Variants in ATG101 observed in about 807,000 individuals in gnomAD.
ATG101 encodes the protein autophagy-related protein 101.
Under a neutral mutation model 16.7 loss-of-function variants are expected in ATG101, and 6 were observed. That is an observed-to-expected ratio of 0.36 (90% CI 0.20 to 0.71). The LOEUF is 0.71. ATG101 is among the 30% of genes least tolerant of loss of function. The probability of loss-of-function intolerance (pLI) is 0.57; values close to 1 mark genes in which losing one functional copy is unlikely to be tolerated. For synonymous variants in ATG101, 108 were observed against 118.1 expected (o/e 0.91, Z 0.56); for missense variants, 200 against 292.5 (o/e 0.68, Z 2.31).
In ATG101 at chr12:52,070,002, C is replaced by T. The variant is rs1282566375; in HGVS notation, c.-447C>T. ...TCCGGTCCCGGCTCAGCCTCCGACC[C>T]AGGTGGTCTGGAGCCTGCCGGGAGA... On this transcript the variant is annotated 5_prime_UTR_variant, in exon 1 of 4. Coordinates refer to ENST00000336854, the MANE Select transcript of ATG101 (RefSeq NM_021934.5). 1 of 152,452 alleles carries T rather than the reference C, an allele frequency of 6.6e-6. No homozygotes were observed. Among genetic ancestry groups the T allele is most frequent in the Non-Finnish European group, 1.5e-5 (1 of 68,266 alleles). 9.4% of individuals were successfully genotyped at this position (152,452 alleles called of 1,614,324 possible). A position where few individuals can be genotyped will look rare whatever the true frequency, so the allele number is the denominator to read the frequency against.
Position 52,073,846 on chromosome 12 carries a change from CGT to C in ATG101, c.199_200del (p.Val67LeufsTer3). 1 of 1,614,172 alleles carries C rather than the reference CGT, an allele frequency of 6.2e-7. No homozygotes were observed. The highest frequency in any genetic ancestry group is 8.5e-7 in the Non-Finnish European group (1 of 1,180,026). On this transcript the variant is annotated frameshift_variant, in exon 3 of 4. Transcript: ENST00000336854. LOFTEE classifies it high-confidence loss of function. ...TGACTTCATCGACTTCACTTATGTG[CGT>C]GTCTCTTCTGAGGAACTGGATCGTG... is the stretch of plus-strand genomic sequence containing the variant. ...DCDFIDFTYV[R>X]VSSEELDRAL...
intron 2 of ATG101, among the ~76,000 whole-genome samples, chr12:52,071,612 T>C (rs1939651761): frequency 6.6e-6 from 1 of 151,760 alleles, no homozygotes; most frequent in Admixed American, 6.6e-5. Context: ...AGCTCAGGAG[T>C]TCGAGACCAG....
At position 52,076,937 on chromosome 12, in the gene ATG101, A is replaced by C; in HGVS notation, c.404A>C (p.Gln135Pro). 6.2e-7 allele frequency: 1 copy of C among 1,614,218 alleles called. No individual in the cohort carries two copies. The highest frequency in any genetic ancestry group is 2.2e-5 in the East Asian group (1 of 44,886). The stretch of plus-strand genomic sequence containing the variant: ...CATGTGGTAGCCCTGGCCACGGAGC[A>C]GGAGCGGCAGATCTGCCGGGAGAAG... ...KVHVVALATE[Q>P]ERQICREKVG... The change falls in exon 4 of 4, where the codon CAG becomes CCG. Residue 135 changes from glutamine (Q) to proline (P), a missense_variant. Coordinates refer to ENST00000336854, the MANE Select transcript of ATG101 (RefSeq NM_021934.5).
upstream of ATG101, among the ~76,000 whole-genome samples, chr12:52,067,502 G>A (rs1939560727): frequency 6.6e-6 from 1 of 152,186 alleles, no homozygotes; most frequent in Admixed American, 6.5e-5. Flanking sequence ...TCCCATAGTG[G>A]CAAAGAGCTT....
Position 52,077,070 on chromosome 12 carries a change from C to T in ATG101, c.537C>T (p.Asp179=), listed in dbSNP as rs1365208092. 1 of 1,614,100 alleles carries T rather than the reference C, an allele frequency of 6.2e-7. No homozygotes were observed. Among genetic ancestry groups the T allele is most frequent in the Non-Finnish European group, 8.5e-7 (1 of 1,180,048 alleles). The change falls in exon 4 of 4, where the codon GAC becomes GAT. Residue 179 remains aspartate (D), a synonymous_variant. Coordinates refer to ENST00000336854, the MANE Select transcript of ATG101 (RefSeq NM_021934.5). ...PTQSEVDNVF[D]TGLRDVQPYL... is the part of the protein sequence containing the mutation. The stretch of plus-strand genomic sequence containing the variant: ...AGTCGGAGGTGGATAACGTGTTTGA[C>T]ACAGGCTTGCGGGACGTGCAGCCCT...
At chr12:52,068,725 G>A (rs551365670), upstream of ATG101, among the ~76,000 whole-genome samples, 3 of 152,026 alleles carry the variant, frequency 2.0e-5, no homozygotes, top group East Asian at 1.9e-4. Context: ...GGTGGCTCAC[G>A]CCTGTAATCC....
At chr12:52,071,016 G>A (rs1939641750) in intron 2 of ATG101, 1 of 152,198 alleles carries the variant, frequency 6.6e-6, no homozygotes, top group African/African-American at 2.4e-5. Flanking sequence ...TTTGTAGAAG[G>A]TACTAGGAAT....
chr12:52,069,206 C>A (rs1939597895), upstream of ATG101: 2 of 152,132 alleles, frequency 1.3e-5, no homozygotes, highest in African/African-American at 4.8e-5. Flanking sequence ...CTCCTGTGAT[C>A]CTCACAACAG....
At chr12:52,069,261 G>GGTCA (rs1939598722), upstream of ATG101, 2 of 152,218 alleles carry the variant, frequency 1.3e-5, no homozygotes, top group South Asian at 4.1e-4. Flanking sequence ...TGATGTTGAG[G>GGTCA]GTCACGCAGA....
At position 52,073,912 on chromosome 12, in the gene ATG101, T is replaced by TC. The variant is rs962802873; in HGVS notation, c.252+11dup. The TC allele has an allele frequency of 1.7e-5, 25 of 1,447,190 alleles. No homozygotes were observed. In the Admixed American group the frequency reaches 4.7e-4, roughly 27 times the overall value. 89.6% of individuals were successfully genotyped at this position (1,447,190 alleles called of 1,614,324 possible). ...TGTTGGGGAGTTCAAGGTAAGGGTG[T>TC]CGGGGAGTTCAAGGTAAGGGTGTGG... On this transcript the variant is annotated intron_variant, in intron 3 of 3. Coordinates refer to ENST00000336854, the MANE Select transcript of ATG101 (RefSeq NM_021934.5).
At chr12:52,072,143 A>G (rs112199525) in intron 2 of ATG101, among the ~76,000 whole-genome samples, 3,888 of 152,302 alleles carry the variant, frequency 0.026, 74 homozygotes, top group South Asian at 0.075. Context: ...TGTTTTATAC[A>G]TGCTAGCTCA....
At chr12:52,073,117 GA>G (rs964005959) in intron 2 of ATG101, among the ~76,000 whole-genome samples, 14 of 152,166 alleles carry the variant, frequency 9.2e-5, no homozygotes, top group African/African-American at 3.4e-4. Context: ...GTGATGCATT[GA>G]CTCTTCGCTG....
At chr12:52,071,389 G>A (rs1469817297) in intron 2 of ATG101, 1 of 152,226 alleles carries the variant, frequency 6.6e-6, no homozygotes, top group Admixed American at 6.5e-5. Context: ...CCTTCAGCCT[G>A]TAGAAGGGGT....
At position 52,077,117 on chromosome 12, in the gene ATG101, A is replaced by G. The variant is rs193167626; in HGVS notation, c.584A>G (p.Gln195Arg). The part of the protein sequence containing the change: ...VQPYLYKISF[Q>R]ITDALGTSVT... Reference sequence around the variant, plus strand: ...CCCTACCTGTACAAGATCTCCTTCCAGATCACTGATGCCCTGGGCACCTCA... The same window carrying G: ...CCCTACCTGTACAAGATCTCCTTCCGGATCACTGATGCCCTGGGCACCTCA... The change falls in exon 4 of 4, where the codon CAG (glutamine) becomes CGG (arginine). Residue 195 changes from glutamine (Q) to arginine (R), a missense_variant. Transcript: ENST00000336854. 2 of 1,614,202 alleles carry G rather than the reference A, an allele frequency of 1.2e-6. No homozygotes were observed. The highest frequency in any genetic ancestry group is 8.5e-7 in the Non-Finnish European group (1 of 1,180,026).
chr12:52,076,757 G>C (rs889069903), intron 3 of ATG101, 29 bp from the exon 4 acceptor site: 1 of 1,602,960 alleles, frequency 6.2e-7, no homozygotes, highest in Non-Finnish European at 8.5e-7. Context: ...CAGAGGCCTT[G>C]GCTTGCTCAT....
chr12:52,077,019 T>A lies in ATG101; in HGVS notation c.486T>A (p.His162Gln). 1 of 1,614,182 alleles carries A rather than the reference T, an allele frequency of 6.2e-7. No individual in the cohort carries two copies. The highest frequency in any genetic ancestry group is 8.5e-7 in the Non-Finnish European group (1 of 1,180,034). Residue 162 changes from histidine to glutamine, a missense_variant, in exon 4 of 4, where the codon CAT becomes CAA. Coordinates refer to ENST00000336854, the MANE Select transcript of ATG101 (RefSeq NM_021934.5). The part of the protein sequence containing the change: ...IINIVEVMNR[H>Q]EYLPKMPTQS... Reference sequence around the variant, plus strand: ...ACATCGTGGAGGTGATGAATCGGCATGAGTACTTGCCCAAGATGCCCACAC... The same window carrying A: ...ACATCGTGGAGGTGATGAATCGGCAAGAGTACTTGCCCAAGATGCCCACAC...
intron 3 of ATG101, among the ~76,000 whole-genome samples, chr12:52,075,914 C>CT (rs1166491954): frequency 6.6e-6 from 1 of 152,156 alleles, no homozygotes; most frequent in African/African-American, 2.4e-5. Flanking sequence ...AATCCCAGCA[C>CT]TTTGGGAGGC....
upstream of ATG101, among the ~76,000 whole-genome samples, chr12:52,065,756 A>G (rs1467532471): frequency 6.6e-6 from 1 of 152,214 alleles, no homozygotes; most frequent in Non-Finnish European, 1.5e-5. Flanking sequence ...GAGCAGCTGC[A>G]TGGCCTTGGA....
At position 52,073,670 on chromosome 12, in the gene ATG101, T is replaced by C. The variant is rs750977698; in HGVS notation, c.20T>C (p.Val7Ala). The C allele has an allele frequency of 1.5e-5, 25 of 1,613,482 alleles. No homozygotes were observed. Among genetic ancestry groups the C allele is most frequent in the Non-Finnish European group, 2.0e-5 (24 of 1,179,776 alleles). The part of the protein sequence containing the change: MNCRSE[V>A]LEVSVEGRQV... ...TGCAGGATGAACTGTCGCTCGGAGG[T>C]GCTGGAGGTGTCGGTGGAGGGGCGG... The change falls in exon 3 of 4, where the codon GTG (valine) becomes GCG (alanine). Residue 7 changes from valine to alanine, a missense_variant. By Grantham distance (64) the Val-to-Ala change is moderately conservative. Coordinates refer to ENST00000336854, the MANE Select transcript of ATG101 (RefSeq NM_021934.5).
Sources: gnomAD v4.1 joint callset for allele counts (sites outside exome capture counted in the v4.1 genomes callset) on GRCh38, gnomAD v4.1.1 for gene constraint, MANE v1.5 for transcripts, NCBI Gene and HGNC (gene_info 2026-07-23, HGNC 2026-07-21) for gene names.